The following TTC5 variants were observed in gnomAD, a reference collection of about 807,000 sequenced individuals.
TTC5 encodes tetratricopeptide repeat protein 5.
A neutral mutation model predicts 57.4 loss-of-function variants in TTC5; 46 were observed. That is an observed-to-expected ratio of 0.80 (90% CI 0.63 to 1.03). TTC5 has a LOEUF of 1.03. Among genes scored for constraint, TTC5 ranks in the 50% least tolerant of loss-of-function variants. TTC5 has a pLI of 0.00. For synonymous variants in TTC5, 190 were observed against 203.5 expected (o/e 0.93, Z 0.57); for missense variants, 504 against 528.1 (o/e 0.95, Z 0.45).
intron 8 of TTC5, chr14:20,292,819 A>G (rs913637316): frequency 6.6e-6 from 1 of 152,200 alleles, no homozygotes; most frequent in African/African-American, 2.4e-5. Context: ...TTCCTGGAAG[A>G]GGTGACGCTC....
intron 1 of TTC5, among the ~76,000 whole-genome samples, chr14:20,304,123 AG>A (rs1882244056): frequency 6.6e-6 from 1 of 152,332 alleles, no homozygotes; most frequent in Non-Finnish European, 1.5e-5. Flanking sequence ...TGTAAGCTCC[AG>A]GATGGAAAGG....
intron 6 of TTC5, 83 bp downstream of exon 6, chr14:20,296,307 T>C: frequency 8.9e-7 from 1 of 1,128,282 alleles, no homozygotes; most frequent in South Asian, 1.2e-5. Context: ...CTTGTCCCTA[T>C]GCAAACTCAG....
chr14:20,299,288 G>A lies in TTC5; in HGVS notation c.547+10C>T. On this transcript the variant is annotated intron_variant, in intron 4 of 9. Coordinates refer to ENST00000258821, the MANE Select transcript of TTC5 (RefSeq NM_138376.3). Reference sequence around the variant, plus strand: ...TAGAAACCTGTTGGAGATCTTTTGAGAGCACTCACACCAGGAGCGGCCATC... The same window carrying A: ...TAGAAACCTGTTGGAGATCTTTTGAAAGCACTCACACCAGGAGCGGCCATC... 6.2e-7 allele frequency: 1 copy of A among 1,611,014 alleles called. No individual in the cohort carries two copies. The highest frequency in any genetic ancestry group is 8.5e-7 in the Non-Finnish European group (1 of 1,177,898).
rs775579589 is a variant in TTC5, at chr14:20,299,284, T to C, written c.547+14A>G. The C allele has an allele frequency of 4.3e-6, 7 of 1,610,894 alleles. No individual in the cohort carries two copies. Among genetic ancestry groups the C allele is most frequent in the Middle Eastern group, 1.8e-4 (1 of 5,584 alleles). On this transcript the variant is annotated intron_variant, in intron 4 of 9. Transcript: ENST00000258821. The stretch of plus-strand genomic sequence containing the variant: ...GCTCTAGAAACCTGTTGGAGATCTT[T>C]TGAGAGCACTCACACCAGGAGCGGC...
In TTC5 at chr14:20,305,950, C is replaced by G; in HGVS notation, c.-13G>C. ...CATCAGCCATCATCTCCCGGCCACTCCACCCCCAACTTTATAACCACAGAG... is the reference window on the plus strand; with the variant it reads ...CATCAGCCATCATCTCCCGGCCACTGCACCCCCAACTTTATAACCACAGAG... On this transcript the variant is annotated 5_prime_UTR_variant, in exon 1 of 10. Transcript: ENST00000258821. 6.2e-7 allele frequency: 1 copy of G among 1,614,026 alleles called. No homozygotes were observed. The highest frequency in any genetic ancestry group is 1.1e-5 in the South Asian group (1 of 91,072).
At chr14:20,302,114 A>G in intron 1 of TTC5, 149 bp from the exon 2 acceptor site, 1 of 846,304 alleles carries the variant, frequency 1.2e-6, no homozygotes, top group Non-Finnish European at 1.8e-6. Context: ...CAGGTTTACT[A>G]AAATGCCACA....
At chr14:20,300,169 T>A (rs1442627677) in intron 3 of TTC5, among the ~76,000 whole-genome samples, 3 of 10,966 alleles carry the variant, frequency 2.7e-4, no homozygotes, top group African/African-American at 5.9e-4. Flanking sequence ...TTTTTTTTTT[T>A]TTTTTTTTTT....
intron 8 of TTC5, chr14:20,292,903 A>G (rs959457235): frequency 2.0e-5 from 3 of 152,028 alleles, no homozygotes; most frequent in Non-Finnish European, 4.4e-5. Flanking sequence ...AATGTTAAAA[A>G]CCTCTGAGGG....
intron 8 of TTC5, chr14:20,295,028 T>C: frequency 2.9e-6 from 1 of 348,310 alleles, no homozygotes; most frequent in Non-Finnish European, 5.4e-6. Context: ...GTTTCTGTCT[T>C]ATAAAAAAAT....
chr14:20,298,879 C>G lies in TTC5; in HGVS notation c.557G>C (p.Gly186Ala), dbSNP rs777497650. ...GAAGTAAAGGGAAAGATATGAATTCCCAAGAATATCTGAAAGAGAAACACA... is the reference window on the plus strand; with the variant it reads ...GAAGTAAAGGGAAAGATATGAATTCGCAAGAATATCTGAAAGAGAAACACA... ...VHDGRSWYIL[G>A]NSYLSLYFST... The change falls in exon 5 of 10, where the codon GGG becomes GCG. Residue 186 changes from glycine (G) to alanine (A), a missense_variant. Physicochemically the swap from Gly to Ala is moderately conservative, Grantham distance 60 (BLOSUM62 0). Coordinates refer to ENST00000258821, the MANE Select transcript of TTC5 (RefSeq NM_138376.3). 1.2e-6 allele frequency: 2 copies of G among 1,610,026 alleles called. No individual in the cohort carries two copies. The highest frequency in any genetic ancestry group is 2.2e-5 in the South Asian group (2 of 90,952).
chr14:20,297,644 G>T (rs546340062), intron 5 of TTC5, among the ~76,000 whole-genome samples: 2 of 152,128 alleles, frequency 1.3e-5, no homozygotes, highest in East Asian at 3.9e-4. Flanking sequence ...GGTGTGGCAC[G>T]TGCCTGTAAT....
rs1438428024 is a variant in TTC5 at position 20,289,407 on chromosome 14, G to T, written c.*220C>A. On this transcript the variant is annotated 3_prime_UTR_variant, in exon 10 of 10. Coordinates refer to ENST00000258821, the MANE Select transcript of TTC5 (RefSeq NM_138376.3). The stretch of plus-strand genomic sequence containing the variant: ...AACATAGAGAGCAGTGGAAGAGACA[G>T]GAGAGATATGCCAGAAGAGTATGTG... 2 of 415,182 alleles carry T rather than the reference G, an allele frequency of 4.8e-6. No homozygotes were observed. The highest frequency in any genetic ancestry group is 7.3e-5 in the East Asian group (2 of 27,236). 25.7% of individuals were successfully genotyped at this position (415,182 alleles called of 1,614,324 possible).
At chr14:20,303,190 C>CAAA (rs1239436297) in intron 1 of TTC5, among the ~76,000 whole-genome samples, 1 of 99,278 alleles carries the variant, frequency 1.0e-5, no homozygotes, top group African/African-American at 3.7e-5. Context: ...GACTCCGTCT[C>CAAA]AAAAAAAAAA....
At chr14:20,297,254 A>AT (rs934537304) in intron 5 of TTC5, among the ~76,000 whole-genome samples, 1 of 152,132 alleles carries the variant, frequency 6.6e-6, no homozygotes, top group Non-Finnish European at 1.5e-5. Flanking sequence ...CAGGAAAAGA[A>AT]TTTTTTTTAA....
chr14:20,305,657 A>G, intron 1 of TTC5: 1 of 586,158 alleles, frequency 1.7e-6, no homozygotes, highest in South Asian at 2.1e-5. Flanking sequence ...AGGAGCAACA[A>G]ATCTTCTTCC....
chr14:20,295,900 A>C (rs371348904), intron 6 of TTC5, 46 bp from the exon 7 acceptor site: 27 of 1,502,054 alleles, frequency 1.8e-5, no homozygotes, highest in Admixed American at 4.8e-5. Context: ...CAGACAAACT[A>C]TCCCGAGGGA....
intron 9 of TTC5, among the ~76,000 whole-genome samples, chr14:20,290,686 A>G (rs1410545276): frequency 6.6e-6 from 1 of 152,248 alleles, no homozygotes; most frequent in Non-Finnish European, 1.5e-5. Context: ...AGGAGTCTAC[A>G]TTAGAAATTC....
chr14:20,300,880 C>T lies in TTC5; in HGVS notation c.185-62G>A, dbSNP rs565229981. 235 of 1,331,652 alleles carry T rather than the reference C, an allele frequency of 1.8e-4. 1 individual carries two copies. In the East Asian group the frequency reaches 4.9e-3, roughly 28 times the overall value. The allele number at this position is 1,331,652 out of a possible 1,614,324, so 82.5% of individuals were successfully genotyped here. On this transcript the variant is annotated intron_variant, in intron 2 of 9. Transcript: ENST00000258821. ...CAAGTTAAAGACCAGGGCACTTTCT[C>T]TCAAAAAATAACTACACGTCAGTTT...
chr14:20,290,072 G>A (rs976773009), intron 9 of TTC5, among the ~76,000 whole-genome samples: 6 of 152,100 alleles, frequency 3.9e-5, no homozygotes, highest in Non-Finnish European at 7.4e-5. Flanking sequence ...CTTTTCCCAC[G>A]GTGTTTCCTG....
Sources: gnomAD v4.1 joint callset for allele counts (sites outside exome capture counted in the v4.1 genomes callset) on GRCh38, gnomAD v4.1.1 for gene constraint, MANE v1.5 for transcripts, NCBI Gene and HGNC (gene_info 2026-07-23, HGNC 2026-07-21) for gene names.